The following WDR59 variants were observed in gnomAD, a reference collection of about 807,000 sequenced individuals.
The protein encoded by WDR59 is WD repeat domain 59, also known as GATOR2 complex protein WDR59.
WDR59 carries 100 observed loss-of-function variants against 131.2 expected under a neutral mutation model. The observed-to-expected ratio is 0.76, with a 90% confidence interval of 0.65 to 0.90. The LOEUF is 0.90. WDR59 is among the 40% of genes least tolerant of loss of function. The pLI is 0.00. For synonymous variants in WDR59, 601 were observed against 466.2 expected (o/e 1.29, Z -3.72); for missense variants, 1,203 against 1,262.2 (o/e 0.95, Z 0.71).
chr16:74,916,183 G>GTCT lies in WDR59; in HGVS notation c.1040_1042dup (p.Lys347dup), dbSNP rs780492958. On this transcript the variant is annotated inframe_insertion, in exon 12 of 26. Transcript: ENST00000262144. Reference sequence around the variant, plus strand: ...GTGATCTGTATCTTCAGTGTGCAGGGTCTTCTCAGGTTCCGGCAGAAGGGA... The same window carrying GTCT: ...GTGATCTGTATCTTCAGTGTGCAGGGTCTTCTTCTCAGGTTCCGGCAGAAGGGA... 1 of 1,614,126 alleles carries GTCT rather than the reference G, an allele frequency of 6.2e-7. No homozygotes were observed. Among genetic ancestry groups the GTCT allele is most frequent in the South Asian group, 1.1e-5 (1 of 91,084 alleles).
Position 74,985,030 on chromosome 16 carries a change from G to C in WDR59, c.-13C>G. The C allele has an allele frequency of 6.4e-7, 1 of 1,564,210 alleles. No individual in the cohort carries two copies. Among genetic ancestry groups the C allele is most frequent in the Non-Finnish European group, 8.7e-7 (1 of 1,154,004 alleles). The stretch of plus-strand genomic sequence containing the variant: ...ATCGCGCCGCCATCTCCCCCGCCCG[G>C]CCGCCGCGGCCCCAGGACGGCGCCC... On this transcript the variant is annotated 5_prime_UTR_variant, in exon 1 of 26. Coordinates refer to ENST00000262144, the MANE Select transcript of WDR59 (RefSeq NM_030581.4).
intron 4 of WDR59, 77 bp from the exon 5 acceptor site, chr16:74,949,875 G>C: frequency 1.6e-6 from 2 of 1,280,846 alleles, no homozygotes; most frequent in Non-Finnish European, 2.2e-6. Context: ...AGCACATCGA[G>C]TCTCCAGTGG....
At chr16:74,922,985 A>G (rs1258914485) in intron 9 of WDR59, among the ~76,000 whole-genome samples, 1 of 152,200 alleles carries the variant, frequency 6.6e-6, no homozygotes, top group East Asian at 1.9e-4. Flanking sequence ...GAAATACATT[A>G]TCTCTCACCC....
Position 74,942,841 on chromosome 16 carries a change from CAG to C in WDR59, c.446-17_446-16del. 6.2e-7 allele frequency: 1 copy of C among 1,612,808 alleles called. No individual in the cohort carries two copies. Among genetic ancestry groups the C allele is most frequent in the South Asian group, 1.1e-5 (1 of 90,972 alleles). On this transcript the variant is annotated splice_polypyrimidine_tract_variant and intron_variant, in intron 6 of 25. Coordinates refer to ENST00000262144, the MANE Select transcript of WDR59 (RefSeq NM_030581.4). ...GGAGGCACCCGCTGCAAAGAAAAATCAGGGAAGAAAGCTGCTGCCCTTGGTGC... is the reference window on the plus strand; with the variant it reads ...GGAGGCACCCGCTGCAAAGAAAAATCGGAAGAAAGCTGCTGCCCTTGGTGC...
At chr16:74,980,993 C>A (rs1354181829) in intron 1 of WDR59, among the ~76,000 whole-genome samples, 1 of 148,908 alleles carries the variant, frequency 6.7e-6, no homozygotes, top group Non-Finnish European at 1.5e-5. Flanking sequence ...ATTTTTAGGC[C>A]AAGGTGGGAG....
At chr16:74,925,810 C>CT (rs780767683) in intron 8 of WDR59, among the ~76,000 whole-genome samples, 7 of 151,880 alleles carry the variant, frequency 4.6e-5, no homozygotes, top group Admixed American at 2.0e-4. Flanking sequence ...AGGTGGATCA[C>CT]TTGAGGCCAG....
At chr16:74,952,097 G>A (rs1049590618) in intron 3 of WDR59, among the ~76,000 whole-genome samples, 6 of 151,842 alleles carry the variant, frequency 4.0e-5, no homozygotes, top group South Asian at 2.1e-4. Context: ...GATAAGGTGT[G>A]AGGTGTGAGG....
rs1465744959 is a variant in WDR59, at chr16:74,874,195, C to CA, written c.*13dup. 6.2e-7 allele frequency: 1 copy of CA among 1,607,632 alleles called. No individual in the cohort carries two copies. Among genetic ancestry groups the CA allele is most frequent in the South Asian group, 1.1e-5 (1 of 90,430 alleles). ...GTCCTCTGGGATTTCAGACAATACCCAACTTCTGTAGGTTCAGAAAGTGCT... is the reference window on the plus strand; with the variant it reads ...GTCCTCTGGGATTTCAGACAATACCCAAACTTCTGTAGGTTCAGAAAGTGCT... On this transcript the variant is annotated 3_prime_UTR_variant, in exon 26 of 26. Coordinates refer to ENST00000262144, the MANE Select transcript of WDR59 (RefSeq NM_030581.4).
rs1391487510 is a variant in WDR59 at position 74,981,639 on chromosome 16, TATATATATATATA to T, written c.54+3312_54+3324del. Among the ~76,000 whole-genome samples the T allele has an allele frequency of 7.6e-3, 311 of 40,884 alleles. 33 individuals carry two copies. Among genetic ancestry groups the T allele is most frequent in the African/African-American group, 0.018 (144 of 7,786 alleles). 26.8% of individuals were successfully genotyped at this position (40,884 alleles called of 152,430 possible). A position where few individuals can be genotyped will look rare whatever the true frequency, so the allele number is the denominator to read the frequency against. On this transcript the variant is annotated intron_variant, in intron 1 of 25. Coordinates refer to ENST00000262144, the MANE Select transcript of WDR59 (RefSeq NM_030581.4). ...ATATATATATATATATATATATATA[TATATATATATATA>T]TATATATATTTTTTTTTTTTTTAGA...
At chr16:74,949,928 G>T in intron 4 of WDR59, 130 bp from the exon 5 acceptor site, 2 of 842,152 alleles carry the variant, frequency 2.4e-6, no homozygotes, top group East Asian at 2.8e-5. Context: ...TGTGGTTTAG[G>T]CTGAGAATCT....
At chr16:74,944,458 T>C (rs1410115249) in intron 6 of WDR59, among the ~76,000 whole-genome samples, 2 of 142,840 alleles carry the variant, frequency 1.4e-5, no homozygotes, top group African/African-American at 2.6e-5. Context: ...AGAGCAAGAC[T>C]GTCTCAAAAA....
chr16:74,914,644 G>A (rs999526803), intron 13 of WDR59, among the ~76,000 whole-genome samples: 3 of 150,732 alleles, frequency 2.0e-5, no homozygotes, highest in Non-Finnish European at 2.9e-5. Flanking sequence ...CCAGGCTGGA[G>A]TGTAGTGGTG....
At chr16:74,981,613 CATATAT>C (rs1162042042) in intron 1 of WDR59, among the ~76,000 whole-genome samples, 27 of 27,782 alleles carry the variant, frequency 9.7e-4, no homozygotes, top group African/African-American at 3.2e-3. Flanking sequence ...TATACATTTA[CATATAT>C]ATATATATAT....
intron 6 of WDR59, among the ~76,000 whole-genome samples, chr16:74,945,205 A>G (rs1220758038): frequency 6.6e-6 from 1 of 151,994 alleles, no homozygotes; most frequent in Non-Finnish European, 1.5e-5. Context: ...GGCCGGGCGA[A>G]GAGGCTCACG....
At chr16:74,876,013 G>C (rs1964195650) in intron 25 of WDR59, among the ~76,000 whole-genome samples, 1 of 152,000 alleles carries the variant, frequency 6.6e-6, no homozygotes, top group African/African-American at 2.4e-5. Context: ...TCCTGCACCT[G>C]CCAGCCTCGT....
intron 1 of WDR59, among the ~76,000 whole-genome samples, chr16:74,983,521 T>C (rs2034506622): frequency 6.6e-6 from 1 of 151,904 alleles, no homozygotes; most frequent in South Asian, 2.1e-4. Context: ...ACCAAGACAC[T>C]GTCCTAGGTG....
chr16:74,969,193 T>G (rs1271679325), intron 1 of WDR59, among the ~76,000 whole-genome samples: 2 of 152,228 alleles, frequency 1.3e-5, no homozygotes, highest in Non-Finnish European at 2.9e-5. Flanking sequence ...AAAGACAGGT[T>G]AGAGGTGTAA....
intron 1 of WDR59, among the ~76,000 whole-genome samples, chr16:74,976,234 G>A (rs1327597302): frequency 2.0e-5 from 3 of 151,976 alleles, no homozygotes; most frequent in African/African-American, 7.2e-5. Flanking sequence ...TTTTATTTTA[G>A]TTTTTATTAG....
At chr16:74,880,413 C>T (rs1567682163) in intron 25 of WDR59, among the ~76,000 whole-genome samples, 4 of 152,060 alleles carry the variant, frequency 2.6e-5, no homozygotes, top group Non-Finnish European at 5.9e-5. Context: ...CGCCACTGCA[C>T]TCCAGCCTGG....
Sources: allele counts gnomAD v4.1 joint callset (sites outside exome capture counted in the v4.1 genomes callset), GRCh38; gene constraint gnomAD v4.1.1; transcripts MANE v1.5; gene names NCBI Gene and HGNC (gene_info 2026-07-23, HGNC 2026-07-21).